GMDS: variants seen among roughly 807,000 people sequenced by gnomAD.
GMDS encodes the protein GDP-mannose 4,6 dehydratase.
A neutral mutation model predicts 49.9 loss-of-function variants in GMDS; 20 were observed. The observed-to-expected ratio is 0.40, with a 90% CI of 0.28 to 0.58. GMDS has a LOEUF of 0.58. GMDS is among the 20% of genes least tolerant of loss of function. The probability of loss-of-function intolerance (pLI) is 0.42; values close to 1 mark genes in which losing one functional copy is unlikely to be tolerated. For missense variants in GMDS, 362 were observed against 481.4 expected (o/e 0.75, Z 2.32); for synonymous variants, 177 against 178.6 (o/e 0.99, Z 0.07).
At chr6:1,967,426 T>A (rs1229848603) in intron 4 of GMDS, among the ~76,000 whole-genome samples, 1 of 151,806 alleles carries the variant, frequency 6.6e-6, no homozygotes, top group Non-Finnish European at 1.5e-5. Context: ...CAAAAACCAG[T>A]AGGAAAGAAA....
At chr6:2,199,073 T>C (rs1239521993) in intron 1 of GMDS, among the ~76,000 whole-genome samples, 1 of 152,254 alleles carries the variant, frequency 6.6e-6, no homozygotes, top group African/African-American at 2.4e-5. Flanking sequence ...TCCTAAAATA[T>C]TTCAAAATGT....
At chr6:2,049,686 G>T (rs933803283) in intron 4 of GMDS, among the ~76,000 whole-genome samples, 4 of 152,136 alleles carry the variant, frequency 2.6e-5, no homozygotes, top group Admixed American at 2.6e-4. Flanking sequence ...CCAGAGTCAG[G>T]GAAGATGCTG....
intron 9 of GMDS, among the ~76,000 whole-genome samples, chr6:1,636,004 C>T (rs891305827): frequency 6.6e-6 from 1 of 152,148 alleles, no homozygotes; most frequent in African/African-American, 2.4e-5. Context: ...CGTGGCAGCC[C>T]TCCTCATCAC....
At chr6:1,918,977 G>A (rs1360796601) in intron 7 of GMDS, among the ~76,000 whole-genome samples, 1 of 152,160 alleles carries the variant, frequency 6.6e-6, no homozygotes, top group Non-Finnish European at 1.5e-5. Context: ...TATTCTGGGG[G>A]CAATGTCTTG....
chr6:2,030,714 CTA>C (rs759676340), intron 4 of GMDS, among the ~76,000 whole-genome samples: 1 of 152,060 alleles, frequency 6.6e-6, no homozygotes, highest in Non-Finnish European at 1.5e-5. Flanking sequence ...AGTTGACAAA[CTA>C]TGCATTGGCT....
intron 7 of GMDS, among the ~76,000 whole-genome samples, chr6:1,838,835 A>C (rs575725073): frequency 6.6e-6 from 1 of 152,336 alleles, no homozygotes; most frequent in Admixed American, 6.5e-5. Context: ...ACCTATTAAA[A>C]TATTACAATT....
chr6:1,637,838 C>T (rs1210229583), intron 9 of GMDS, among the ~76,000 whole-genome samples: 1 of 152,174 alleles, frequency 6.6e-6, no homozygotes, highest in Non-Finnish European at 1.5e-5. Context: ...TCTAACAGTC[C>T]TACGAGGTAG....
chr6:2,094,811 T>C (rs1464660861), intron 4 of GMDS, among the ~76,000 whole-genome samples: 1 of 152,128 alleles, frequency 6.6e-6, no homozygotes, highest in Non-Finnish European at 1.5e-5. Context: ...AACTCTTACA[T>C]GTGGTCAGGG....
intron 7 of GMDS, among the ~76,000 whole-genome samples, chr6:1,863,708 A>G (rs1000275315): frequency 1.3e-5 from 2 of 152,194 alleles, no homozygotes; most frequent in African/African-American, 2.4e-5. Context: ...TCACACCGGA[A>G]CATCATAATA....
At chr6:1,779,721 T>C (rs1175084569) in intron 7 of GMDS, among the ~76,000 whole-genome samples, 3 of 150,576 alleles carry the variant, frequency 2.0e-5, no homozygotes, top group Non-Finnish European at 4.5e-5. Flanking sequence ...CCTGTCCCTC[T>C]AACTGATAGT....
At chr6:1,915,775 C>T (rs565995965) in intron 7 of GMDS, among the ~76,000 whole-genome samples, 23 of 152,314 alleles carry the variant, frequency 1.5e-4, no homozygotes, top group Admixed American at 1.3e-4. Flanking sequence ...GAGAATAGCA[C>T]GTATCTTACC....
chr6:1,747,317 C>A (rs893065968), intron 7 of GMDS, among the ~76,000 whole-genome samples: 9 of 152,186 alleles, frequency 5.9e-5, no homozygotes, highest in African/African-American at 2.2e-4. Context: ...ATCCAAGCCA[C>A]AAACACTTAT....
intron 7 of GMDS, among the ~76,000 whole-genome samples, chr6:1,829,240 G>C (rs767694450): frequency 3.5e-4 from 53 of 152,080 alleles, no homozygotes; most frequent in Non-Finnish European, 6.3e-4. Context: ...TTGTTCAAGG[G>C]TTAACTGTGT....
intron 7 of GMDS, among the ~76,000 whole-genome samples, chr6:1,776,051 G>A (rs962269546): frequency 1.2e-4 from 18 of 152,268 alleles, no homozygotes; most frequent in East Asian, 7.7e-4. Flanking sequence ...CACTGCTACC[G>A]TCGTGGAATG....
chr6:1,652,402 ATATATAT>A (rs201984155), intron 9 of GMDS, among the ~76,000 whole-genome samples: 727 of 4,790 alleles, frequency 0.15, 91 homozygotes, highest in Non-Finnish European at 0.21. Flanking sequence ...TTATATATAT[ATATATAT>A]TATATATAAT....
chr6:2,196,598 G>A (rs1042505107), intron 1 of GMDS, among the ~76,000 whole-genome samples: 4 of 152,118 alleles, frequency 2.6e-5, no homozygotes, highest in African/African-American at 9.7e-5. Flanking sequence ...TTTGCTTGTG[G>A]TTTCTTTACC....
chr6:2,048,750 T>A (rs1010764858), intron 4 of GMDS, among the ~76,000 whole-genome samples: 18 of 152,242 alleles, frequency 1.2e-4, no homozygotes, highest in South Asian at 4.1e-4. Context: ...TTACTGCTTC[T>A]AATTGATATT....
At chr6:2,142,185 C>G (rs765587911) in intron 1 of GMDS, among the ~76,000 whole-genome samples, 5 of 152,096 alleles carry the variant, frequency 3.3e-5, no homozygotes, top group Non-Finnish European at 7.4e-5. Context: ...GAGCAGGTTC[C>G]TGTTCATATT....
At chr6:2,051,985 C>A (rs891516975) in intron 4 of GMDS, among the ~76,000 whole-genome samples, 1 of 151,756 alleles carries the variant, frequency 6.6e-6, no homozygotes, top group Non-Finnish European at 1.5e-5. Flanking sequence ...GGCGTGGTGG[C>A]AAGCACCTGT....
Sources: allele counts gnomAD v4.1 joint callset (sites outside exome capture counted in the v4.1 genomes callset), GRCh38; gene constraint gnomAD v4.1.1; transcripts MANE v1.5; gene names NCBI Gene and HGNC (gene_info 2026-07-23, HGNC 2026-07-21).